NEIL1: variants seen among roughly 807,000 people sequenced by gnomAD.
NEIL1 encodes the protein nei like DNA glycosylase 1, also known as endonuclease 8-like 1.
A neutral mutation model predicts 44.2 loss-of-function variants in NEIL1; 31 were observed. The observed-to-expected ratio is 0.70, with a 90% CI of 0.53 to 0.95. NEIL1 has a LOEUF of 0.95. Ranked by LOEUF, NEIL1 falls within the 40% of genes least tolerant of loss-of-function variation. The pLI, the probability that NEIL1 is intolerant of heterozygous loss-of-function variation, is 0.00. For synonymous variants in NEIL1, 254 were observed against 209.7 expected (o/e 1.21, Z -1.83); for missense variants, 549 against 515.5 (o/e 1.07, Z -0.63).
chr15:75,354,401 C>A, intron 7 of NEIL1, 30 bp from the exon 8 acceptor site: 2 of 1,613,938 alleles, frequency 1.2e-6, no homozygotes, highest in South Asian at 1.1e-5. Flanking sequence ...CAGGATAGGA[C>A]CCTCCAACTC....
rs114767302 is a variant in NEIL1, at chr15:75,347,736, G to A, written c.-23+263G>A. 3,815 of 945,970 alleles carry A rather than the reference G, an allele frequency of 4.0e-3. 114 individuals carry two copies. In the African/African-American group the frequency reaches 0.06, roughly 15 times the overall value. The allele number at this position is 945,970 out of a possible 1,614,324, so 58.6% of individuals were successfully genotyped here. A position where few individuals can be genotyped will look rare whatever the true frequency, so the allele number is the denominator to read the frequency against. On this transcript the variant is annotated intron_variant, in intron 1 of 9. Coordinates refer to ENST00000355059, the MANE Select transcript of NEIL1 (RefSeq NM_024608.4). ...GCTAAGGAGAAGATGAGCTTTGGGG[G>A]GCCCTGAGGAGGAGGGGAGTCAGGA...
rs758519923 is a variant in NEIL1, at chr15:75,356,378, G to A, written c.*1344G>A. 7 of 1,611,766 alleles carry A rather than the reference G, an allele frequency of 4.3e-6. No homozygotes were observed. The East Asian group carries it at 1.3e-4, about 31-fold the overall frequency. On this transcript the variant is annotated 3_prime_UTR_variant, in exon 10 of 10. Coordinates refer to ENST00000355059, the MANE Select transcript of NEIL1 (RefSeq NM_024608.4). This position sits in a 1 kb window ranked among gnomAD's most constrained non-coding sequence, Gnocchi z 5.8. ...CAGGAGGTGGCGGGCGCTGGGCTGG[G>A]GGCTGGCAGAGCCAACAGGGGGAAG...
chr15:75,348,813 A>G (rs1376791061), intron 1 of NEIL1, 71 bp from the exon 2 acceptor site: 27 of 1,542,218 alleles, frequency 1.8e-5, no homozygotes, highest in Non-Finnish European at 2.2e-5. Context: ...TTCTCCTCTA[A>G]AAATGGGGCT....
At chr15:75,350,904 ACT>A (rs1695240558) in intron 2 of NEIL1, among the ~76,000 whole-genome samples, 1 of 151,654 alleles carries the variant, frequency 6.6e-6, no homozygotes, top group South Asian at 2.1e-4. Context: ...TCACCCCAGA[ACT>A]CTGTCTTCTG....
chr15:75,350,985 C>T (rs1277926132), intron 2 of NEIL1, among the ~76,000 whole-genome samples: 1 of 152,184 alleles, frequency 6.6e-6, no homozygotes, highest in Non-Finnish European at 1.5e-5. Context: ...GATGCACATC[C>T]TCTTCACGGT....
rs1415742677 is a variant in NEIL1 at position 75,354,676 on chromosome 15, C to T, written c.960C>T (p.Ala320=). 1 of 1,614,130 alleles carries T rather than the reference C, an allele frequency of 6.2e-7. No individual in the cohort carries two copies. Among genetic ancestry groups the T allele is most frequent in the Non-Finnish European group, 8.5e-7 (1 of 1,180,020 alleles). ...RVEDALPPSK[A]PSRTRRAKRD... Reference sequence around the variant, plus strand: ...AGGACGCTTTGCCTCCAAGCAAGGCCCCTTCCAGGACACGAAGGGCAAAGA... The same window carrying T: ...AGGACGCTTTGCCTCCAAGCAAGGCTCCTTCCAGGACACGAAGGGCAAAGA... The change falls in exon 9 of 10, where the codon GCC becomes GCT. Residue 320 remains alanine (A), a synonymous_variant. Coordinates refer to ENST00000355059, the MANE Select transcript of NEIL1 (RefSeq NM_024608.4).
At chr15:75,352,541 A>G in intron 4 of NEIL1, 61 bp from the exon 5 acceptor site, 1 of 1,559,440 alleles carries the variant, frequency 6.4e-7, no homozygotes, top group Non-Finnish European at 8.8e-7. Flanking sequence ...CTCAGAGAGA[A>G]GGTCAGCTGC....
chr15:75,356,226 A>T lies in NEIL1; in HGVS notation c.*1192A>T. On this transcript the variant is annotated 3_prime_UTR_variant, in exon 10 of 10. Coordinates refer to ENST00000355059, the MANE Select transcript of NEIL1 (RefSeq NM_024608.4). This position sits in a 1 kb window ranked among gnomAD's most constrained non-coding sequence, Gnocchi z 5.8. The stretch of plus-strand genomic sequence containing the variant: ...GCTGGGGGCTGCTCTCCGCCTGCAG[A>T]GGAACACGTCTGGTGGGAGGGGCCG... 6.2e-7 allele frequency: 1 copy of T among 1,612,960 alleles called. No homozygotes were observed. The highest frequency in any genetic ancestry group is 8.5e-7 in the Non-Finnish European group (1 of 1,179,754).
chr15:75,352,910 G>A, intron 5 of NEIL1: 1 of 515,556 alleles, frequency 1.9e-6, no homozygotes, highest in Non-Finnish European at 3.5e-6. Context: ...GAGGCCGAGT[G>A]GGGTGGCTCA....
chr15:75,352,453 A>T, intron 4 of NEIL1, 66 bp downstream of exon 4: 1 of 1,596,060 alleles, frequency 6.3e-7, no homozygotes, highest in Middle Eastern at 2.1e-4. Flanking sequence ...CGGCAAGGAG[A>T]TGGGTGGGGT....
Position 75,354,722 on chromosome 15 carries a change from G to A in NEIL1, c.1006G>A (p.Ala336Thr), listed in dbSNP as rs1040169862. 8 of 1,614,036 alleles carry A rather than the reference G, an allele frequency of 5.0e-6. No homozygotes were observed. The highest frequency in any genetic ancestry group is 6.8e-6 in the Non-Finnish European group (8 of 1,180,048). The change falls in exon 9 of 10, where the codon GCA becomes ACA. Residue 336 changes from alanine (A) to threonine (T), a missense_variant. Ala to Thr is a moderately conservative substitution (Grantham distance 58). Transcript: ENST00000355059. ...RAKRDLPKRT[A>T]TQRPEGTSLQ... ...AAAGAGAGACCTTCCTAAGAGGACT[G>A]CAACCCAGCGGCCTGAGGGGACCAG...
rs768152343 is a variant in NEIL1 at position 75,354,787 on chromosome 15, G to A, written c.1071G>A (p.Lys357=). 73 of 1,614,026 alleles carry A rather than the reference G, an allele frequency of 4.5e-5. No homozygotes were observed. The highest frequency in any genetic ancestry group is 5.9e-5 in the Non-Finnish European group (70 of 1,180,038). The part of the protein sequence containing the change: ...QDPEAPTVPK[K]GRRKGRQAAS... ...CAGAAGCTCCCACAGTGCCCAAGAAGGGGAGGAGGAAGGGGCGACAGGCAG... is the reference window on the plus strand; with the variant it reads ...CAGAAGCTCCCACAGTGCCCAAGAAAGGGAGGAGGAAGGGGCGACAGGCAG... The change falls in exon 9 of 10, where the codon AAG becomes AAA. Residue 357 remains lysine (K), a synonymous_variant. Coordinates refer to ENST00000355059, the MANE Select transcript of NEIL1 (RefSeq NM_024608.4).
intron 9 of NEIL1, 50 bp from the exon 10 acceptor site, chr15:75,354,914 A>C (rs2072234606): frequency 6.2e-7 from 1 of 1,611,974 alleles, no homozygotes; most frequent in Admixed American, 1.7e-5. Flanking sequence ...AAAGGCTGCC[A>C]TGGCAGCCCC....
intron 2 of NEIL1, among the ~76,000 whole-genome samples, chr15:75,351,150 A>G (rs2071854258): frequency 6.6e-6 from 1 of 151,914 alleles, no homozygotes; most frequent in East Asian, 1.9e-4. Context: ...TCTCTAACCC[A>G]CCACAAATGC....
At chr15:75,348,669 G>C (rs1046858443) in intron 1 of NEIL1, 10 of 1,423,386 alleles carry the variant, frequency 7.0e-6, no homozygotes, top group Admixed American at 2.9e-5. Context: ...GCAGAGTCCT[G>C]CTCCCTCTGC....
chr15:75,347,930 C>T (rs1200595927), intron 1 of NEIL1: 2 of 1,248,742 alleles, frequency 1.6e-6, no homozygotes, highest in Non-Finnish European at 2.1e-6. Context: ...CGGGCGTCTG[C>T]CGTCGCTAAG....
chr15:75,354,957 C>A lies in NEIL1; in HGVS notation c.1103-7C>A, dbSNP rs547141669. ...TTAGCTGACCATCTTGCCTGTTCTT[C>A]CCCCAGGCCACTGCAGACCCCGGAA... is the stretch of plus-strand genomic sequence containing the variant. On this transcript the variant is annotated splice_region_variant and splice_polypyrimidine_tract_variant and intron_variant, in intron 9 of 9. Transcript: ENST00000355059. 4 of 1,613,808 alleles carry A rather than the reference C, an allele frequency of 2.5e-6. No individual in the cohort carries two copies. The highest frequency in any genetic ancestry group is 3.4e-6 in the Non-Finnish European group (4 of 1,179,814).
chr15:75,356,812 T>C lies in NEIL1; in HGVS notation c.*1778T>C, dbSNP rs1326071888. ...ACTTACAGCGAGAGGCTGAGGATGC[T>C]GCCTCGCACTGACGCGCCATACTTG... is the stretch of plus-strand genomic sequence containing the variant. On this transcript the variant is annotated 3_prime_UTR_variant, in exon 10 of 10. Transcript: ENST00000355059. This position sits in a 1 kb window ranked among gnomAD's most constrained non-coding sequence, Gnocchi z 5.8. The C allele has an allele frequency of 5.0e-6, 8 of 1,614,068 alleles. No individual in the cohort carries two copies. In the East Asian group the frequency reaches 1.8e-4, roughly 36 times the overall value.
chr15:75,356,897 C>G lies in NEIL1; in HGVS notation c.*1863C>G. 6.2e-7 allele frequency: 1 copy of G among 1,613,944 alleles called. No individual in the cohort carries two copies. The highest frequency in any genetic ancestry group is 8.5e-7 in the Non-Finnish European group (1 of 1,179,934). ...CTGACAGATCCATCCAGCGATGGGC[C>G]CACACCTGGAGGGCAGATCCAAGAC... On this transcript the variant is annotated 3_prime_UTR_variant, in exon 10 of 10. Transcript: ENST00000355059. The surrounding 1 kb of genome is among the most constrained non-coding windows in gnomAD (Gnocchi z 5.8).
Sources: allele counts gnomAD v4.1 joint callset (sites outside exome capture counted in the v4.1 genomes callset), GRCh38; gene constraint gnomAD v4.1.1; non-coding constraint Gnocchi (gnomAD v3.1); transcripts MANE v1.5; gene names NCBI Gene and HGNC (gene_info 2026-07-23, HGNC 2026-07-21).